Variants in MYO3B observed in about 807,000 individuals in gnomAD.
MYO3B encodes the protein myosin IIIB, also known as myosin-IIIb.
In MYO3B, 156 loss-of-function variants were observed where a neutral mutation model predicts 174.6. The ratio of observed to expected loss-of-function variants is 0.89; its 90% CI spans 0.78 to 1.02. The LOEUF (loss-of-function observed/expected upper bound fraction) is 1.02. Ranked by LOEUF, MYO3B falls within the 50% of genes least tolerant of loss-of-function variation. The probability of loss-of-function intolerance (pLI) is 0.00; values close to 1 mark genes in which losing one functional copy is unlikely to be tolerated. For synonymous variants in MYO3B, 563 were observed against 569.1 expected (o/e 0.99, Z 0.15); for missense variants, 1,632 against 1,639.4 (o/e 1.00, Z 0.08).
intron 32 of MYO3B, among the ~76,000 whole-genome samples, chr2:170,614,043 C>A (rs1327404205): frequency 6.6e-6 from 1 of 152,134 alleles, no homozygotes; most frequent in Non-Finnish European, 1.5e-5. Context: ...TCCCCTTCTG[C>A]ATTCTATTTC....
At chr2:170,515,741 A>G (rs1302280554) in intron 29 of MYO3B, among the ~76,000 whole-genome samples, 1 of 152,032 alleles carries the variant, frequency 6.6e-6, no homozygotes, top group East Asian at 1.9e-4. Flanking sequence ...TTACAGTTAC[A>G]GTTTATCTGC....
At chr2:170,509,685 T>G (rs1416224560) in intron 28 of MYO3B, among the ~76,000 whole-genome samples, 1 of 152,144 alleles carries the variant, frequency 6.6e-6, no homozygotes. Context: ...ACATCATTTG[T>G]CCCCCTCACT....
chr2:170,427,545 G>A (rs2105875221), intron 22 of MYO3B, among the ~76,000 whole-genome samples: 1 of 152,334 alleles, frequency 6.6e-6, no homozygotes, highest in Non-Finnish European at 1.5e-5. Context: ...GTGTGCATGG[G>A]TGTTCAGAAA....
At chr2:170,269,651 T>C (rs1313941691) in intron 7 of MYO3B, among the ~76,000 whole-genome samples, 2 of 152,194 alleles carry the variant, frequency 1.3e-5, no homozygotes, top group African/African-American at 2.4e-5. Flanking sequence ...TACCAGAATG[T>C]TCATTGCAGC....
chr2:170,196,846 G>A (rs924330615), intron 1 of MYO3B, among the ~76,000 whole-genome samples: 24 of 152,116 alleles, frequency 1.6e-4, no homozygotes, highest in African/African-American at 5.8e-4. Flanking sequence ...AAGCTAATGA[G>A]AGAGCACCAG....
intron 7 of MYO3B, among the ~76,000 whole-genome samples, chr2:170,309,952 A>G (rs560004841): frequency 1.1e-4 from 16 of 152,218 alleles, no homozygotes; most frequent in African/African-American, 3.4e-4. Flanking sequence ...GTAACTATCA[A>G]TCTGCATTCT....
chr2:170,353,982 G>A (rs528385926), intron 8 of MYO3B, among the ~76,000 whole-genome samples: 70 of 152,204 alleles, frequency 4.6e-4, no homozygotes, highest in African/African-American at 1.6e-3. Flanking sequence ...ATCATTCATC[G>A]CATTATCTGA....
At chr2:170,275,972 A>G (rs779006547) in intron 7 of MYO3B, among the ~76,000 whole-genome samples, 8 of 152,202 alleles carry the variant, frequency 5.3e-5, no homozygotes, top group Non-Finnish European at 1.0e-4. Context: ...ACTTTACTAA[A>G]TTCAAGCTGC....
intron 29 of MYO3B, among the ~76,000 whole-genome samples, chr2:170,518,279 A>G (rs1688450080): frequency 1.3e-5 from 2 of 152,208 alleles, no homozygotes; most frequent in African/African-American, 4.8e-5. Flanking sequence ...GTATTCTGTA[A>G]TCATAATGTC....
intron 32 of MYO3B, among the ~76,000 whole-genome samples, chr2:170,622,834 G>C (rs1456538357): frequency 2.0e-5 from 3 of 147,734 alleles, no homozygotes; most frequent in Non-Finnish European, 4.4e-5. Flanking sequence ...TTGGTTTTTT[G>C]TCCTTGTGAG....
intron 7 of MYO3B, among the ~76,000 whole-genome samples, chr2:170,320,218 T>A (rs894996037): frequency 3.3e-5 from 5 of 152,136 alleles, no homozygotes; most frequent in African/African-American, 1.2e-4. Flanking sequence ...TTATTTTTAG[T>A]TTATTTTTTG....
At chr2:170,248,607 C>T (rs1319766489) in intron 7 of MYO3B, among the ~76,000 whole-genome samples, 1 of 152,114 alleles carries the variant, frequency 6.6e-6, no homozygotes, top group Non-Finnish European at 1.5e-5. Context: ...TAGAAGTTGC[C>T]TGGATTTCTT....
chr2:170,359,832 T>C (rs1462897213), intron 8 of MYO3B, among the ~76,000 whole-genome samples: 1 of 152,250 alleles, frequency 6.6e-6, no homozygotes, highest in East Asian at 1.9e-4. Flanking sequence ...TTTATGTCCA[T>C]GTCTATTCTA....
At chr2:170,516,295 T>C (rs1688302617) in intron 29 of MYO3B, among the ~76,000 whole-genome samples, 1 of 152,054 alleles carries the variant, frequency 6.6e-6, no homozygotes, top group Non-Finnish European at 1.5e-5. Flanking sequence ...TTCTTGGTGT[T>C]TTTTGTTGTT....
chr2:170,331,159 T>C (rs1380922805), intron 7 of MYO3B, among the ~76,000 whole-genome samples: 1 of 152,200 alleles, frequency 6.6e-6, no homozygotes, highest in African/African-American at 2.4e-5. Flanking sequence ...AGCACAGTGC[T>C]ACAGCATCTG....
intron 32 of MYO3B, among the ~76,000 whole-genome samples, chr2:170,558,912 C>T (rs929027845): frequency 1.3e-5 from 2 of 152,182 alleles, no homozygotes; most frequent in Admixed American, 6.5e-5. Context: ...ACAGTACCTA[C>T]GTCATAGGGT....
chr2:170,574,299 C>A (rs184847604), intron 32 of MYO3B, among the ~76,000 whole-genome samples: 1 of 151,824 alleles, frequency 6.6e-6, no homozygotes, highest in Non-Finnish European at 1.5e-5. Context: ...TTCAGTTGGC[C>A]GTTATTTGAT....
chr2:170,180,476 T>C (rs2092384825), intron 1 of MYO3B, among the ~76,000 whole-genome samples: 1 of 152,230 alleles, frequency 6.6e-6, no homozygotes, highest in South Asian at 2.1e-4. Context: ...TTCTCTGTTT[T>C]CTTTTTCTTC....
chr2:170,313,126 TAAG>T, intron 7 of MYO3B, among the ~76,000 whole-genome samples: 1 of 152,310 alleles, frequency 6.6e-6, no homozygotes, highest in African/African-American at 2.4e-5. Context: ...TTGACTGTAA[TAAG>T]AAATAAAATA....
Sources: gnomAD v4.1 joint callset for allele counts (sites outside exome capture counted in the v4.1 genomes callset) on GRCh38, gnomAD v4.1.1 for gene constraint, MANE v1.5 for transcripts, NCBI Gene and HGNC (gene_info 2026-07-23, HGNC 2026-07-21) for gene names.